Variants in FNDC10 observed in about 807,000 individuals in gnomAD.
FNDC10 encodes fibronectin type III domain-containing protein 10.
A neutral mutation model predicts 11.6 loss-of-function variants in FNDC10; 8 were observed. That is an observed-to-expected ratio of 0.69 (90% CI 0.41 to 1.25). The LOEUF (loss-of-function observed/expected upper bound fraction) is 1.25. FNDC10 is among the 50% of genes most tolerant of loss of function. FNDC10 has a pLI of 0.01. For missense variants in FNDC10, 308 were observed against 330.2 expected (o/e 0.93, Z 0.52); for synonymous variants, 187 against 162.9 (o/e 1.15, Z -1.12).
At position 1,600,024 on chromosome 1, in the gene FNDC10, G is replaced by A. The variant is rs1643095613; in HGVS notation, c.-9C>T. Reference sequence around the variant, plus strand: ...AGCGGCGGGGCGCGCATCCTGCGGCGGGGCCACGGGGCGCGGCGCTGGGTC... The same window carrying A: ...AGCGGCGGGGCGCGCATCCTGCGGCAGGGCCACGGGGCGCGGCGCTGGGTC... On this transcript the variant is annotated 5_prime_UTR_variant, in exon 1 of 1. Transcript: ENST00000422725. The A allele has an allele frequency of 3.1e-6, 3 of 978,970 alleles. No homozygotes were observed. Among genetic ancestry groups the A allele is most frequent in the African/African-American group, 1.8e-5 (1 of 56,568 alleles). 60.6% of individuals were successfully genotyped at this position (978,970 alleles called of 1,614,324 possible).
chr1:1,599,268 G>A lies in FNDC10; in HGVS notation c.*67C>T. 1 of 1,371,680 alleles carries A rather than the reference G, an allele frequency of 7.3e-7. No homozygotes were observed. The highest frequency in any genetic ancestry group is 9.6e-7 in the Non-Finnish European group (1 of 1,044,612). The allele number at this position is 1,371,680 out of a possible 1,614,324, so 85.0% of individuals were successfully genotyped here. On this transcript the variant is annotated 3_prime_UTR_variant, in exon 1 of 1. Transcript: ENST00000422725. This position sits in a 1 kb window ranked among gnomAD's most constrained non-coding sequence, Gnocchi z 6.7. ...AGCAGGAATGAGGAGAGGAGAGCGG[G>A]CGGAGGACCTGGGAGCTCAGGCGCC...
At position 1,600,055 on chromosome 1, in the gene FNDC10, G is replaced by T. The variant is rs1643096240; in HGVS notation, c.-40C>A. ...ACGGGGCGCGGCGCTGGGTCACGCGGGCCGCGCCGCCGCCGTCCCCGCTGC... is the reference window on the plus strand; with the variant it reads ...ACGGGGCGCGGCGCTGGGTCACGCGTGCCGCGCCGCCGCCGTCCCCGCTGC... On this transcript the variant is annotated 5_prime_UTR_variant, in exon 1 of 1. Transcript: ENST00000422725. The T allele has an allele frequency of 1.1e-5, 11 of 962,356 alleles. No individual in the cohort carries two copies. Among genetic ancestry groups the T allele is most frequent in the Non-Finnish European group, 1.2e-5 (10 of 812,624 alleles). The allele number at this position is 962,356 out of a possible 1,614,324, so 59.6% of individuals were successfully genotyped here.
At position 1,598,931 on chromosome 1, in the gene FNDC10, A is replaced by C. The variant is rs1021410698; in HGVS notation, c.*404T>G. The C allele has an allele frequency of 4.9e-6, 1 of 204,162 alleles. No individual in the cohort carries two copies. Among genetic ancestry groups the C allele is most frequent in the East Asian group, 1.2e-4 (1 of 8,286 alleles). The allele number at this position is 204,162 out of a possible 1,614,324, so 12.6% of individuals were successfully genotyped here. A position where few individuals can be genotyped will look rare whatever the true frequency, so the allele number is the denominator to read the frequency against. ...GGACAGGCTTGGAGAGCTGCGCCCCAGGCCTGCAAAGCACAGTGACCGAGC... is the reference window on the plus strand; with the variant it reads ...GGACAGGCTTGGAGAGCTGCGCCCCCGGCCTGCAAAGCACAGTGACCGAGC... On this transcript the variant is annotated 3_prime_UTR_variant, in exon 1 of 1. Coordinates refer to ENST00000422725, the MANE Select transcript of FNDC10 (RefSeq NM_001242659.2).
chr1:1,600,053 C>G lies in FNDC10; in HGVS notation c.-38G>C. ...CCACGGGGCGCGGCGCTGGGTCACGCGGGCCGCGCCGCCGCCGTCCCCGCT... is the reference window on the plus strand; with the variant it reads ...CCACGGGGCGCGGCGCTGGGTCACGGGGGCCGCGCCGCCGCCGTCCCCGCT... On this transcript the variant is annotated 5_prime_UTR_variant, in exon 1 of 1. Coordinates refer to ENST00000422725, the MANE Select transcript of FNDC10 (RefSeq NM_001242659.2). 2 of 961,918 alleles carry G rather than the reference C, an allele frequency of 2.1e-6. No homozygotes were observed. The highest frequency in any genetic ancestry group is 2.5e-6 in the Non-Finnish European group (2 of 812,350). 59.6% of individuals were successfully genotyped at this position (961,918 alleles called of 1,614,324 possible).
In FNDC10 at chr1:1,599,567, G is replaced by T. The variant is rs1404275428; in HGVS notation, c.449C>A (p.Pro150Gln). The change falls in exon 1 of 1, where the codon CCG (proline) becomes CAG (glutamine). Residue 150 changes from proline (P) to glutamine (Q), a missense_variant. Physicochemically the swap from Pro to Gln is moderately conservative, Grantham distance 76. Coordinates refer to ENST00000422725, the MANE Select transcript of FNDC10 (RefSeq NM_001242659.2). This position sits in a 1 kb window ranked among gnomAD's most constrained non-coding sequence, Gnocchi z 6.7. The part of the protein sequence containing the change: ...DSVLYRLCLQ[P>Q]LPLRAGPAAA... The stretch of plus-strand genomic sequence containing the variant: ...GGCGGGCCCAGCGCGCAGCGGCAGC[G>T]GCTGCAGGCACAGGCGGTAGAGGAC... 6.6e-7 allele frequency: 1 copy of T among 1,509,386 alleles called. No individual in the cohort carries two copies. Among genetic ancestry groups the T allele is most frequent in the Non-Finnish European group, 8.8e-7 (1 of 1,137,608 alleles). The allele number at this position is 1,509,386 out of a possible 1,614,324, so 93.5% of individuals were successfully genotyped here. A position where few individuals can be genotyped will look rare whatever the true frequency, so the allele number is the denominator to read the frequency against.
In FNDC10 at chr1:1,599,164, G is replaced by T. The variant is rs1643080846; in HGVS notation, c.*171C>A. The stretch of plus-strand genomic sequence containing the variant: ...CCAGAGTCTGGGAGTCTGACGCCCG[G>T]CTGGAAAGGGCGTGTGATGATGCCA... On this transcript the variant is annotated 3_prime_UTR_variant, in exon 1 of 1. Coordinates refer to ENST00000422725, the MANE Select transcript of FNDC10 (RefSeq NM_001242659.2). The surrounding 1 kb of genome is among the most constrained non-coding windows in gnomAD (Gnocchi z 6.7). 6.3e-6 allele frequency: 4 copies of T among 634,104 alleles called. No individual in the cohort carries two copies. Among genetic ancestry groups the T allele is most frequent in the African/African-American group, 1.9e-5 (1 of 51,506 alleles). 39.3% of individuals were successfully genotyped at this position (634,104 alleles called of 1,614,324 possible). A position where few individuals can be genotyped will look rare whatever the true frequency, so the allele number is the denominator to read the frequency against.
chr1:1,599,733 G>C lies in FNDC10; in HGVS notation c.283C>G (p.Leu95Val). ...RNRSVLLQWR[L>V]APAAARRVRA... The stretch of plus-strand genomic sequence containing the variant: ...ACGCGGCGCGCGGCGGCCGGGGCCA[G>C]GCGCCACTGCAGGAGGACGCTGCGG... The change falls in exon 1 of 1, where the codon CTG becomes GTG. Residue 95 changes from leucine (L) to valine (V), a missense_variant. By Grantham distance (32) the Leu-to-Val change is conservative (BLOSUM62 1). Transcript: ENST00000422725. This position sits in a 1 kb window ranked among gnomAD's most constrained non-coding sequence, Gnocchi z 6.7. 7.6e-7 allele frequency: 1 copy of C among 1,323,354 alleles called. No individual in the cohort carries two copies. The highest frequency in any genetic ancestry group is 9.6e-7 in the Non-Finnish European group (1 of 1,044,304). 82.0% of individuals were successfully genotyped at this position (1,323,354 alleles called of 1,614,324 possible).
At position 1,599,261 on chromosome 1, in the gene FNDC10, A is replaced by G; in HGVS notation, c.*74T>C. ...AGGAGGCAGCAGGAATGAGGAGAGG[A>G]GAGCGGGCGGAGGACCTGGGAGCTC... On this transcript the variant is annotated 3_prime_UTR_variant, in exon 1 of 1. Transcript: ENST00000422725. The surrounding 1 kb of genome is among the most constrained non-coding windows in gnomAD (Gnocchi z 6.7). 2 of 1,333,856 alleles carry G rather than the reference A, an allele frequency of 1.5e-6. No homozygotes were observed. The highest frequency in any genetic ancestry group is 3.0e-5 in the South Asian group (2 of 66,900). The allele number at this position is 1,333,856 out of a possible 1,614,324, so 82.6% of individuals were successfully genotyped here. A position where few individuals can be genotyped will look rare whatever the true frequency, so the allele number is the denominator to read the frequency against.
At position 1,599,095 on chromosome 1, in the gene FNDC10, G is replaced by T; in HGVS notation, c.*240C>A. ...CCTGCGGAGAGCGGGGAGAGCCCTG[G>T]ATGCGGCTGGCACAGCAGCGCAAGC... On this transcript the variant is annotated 3_prime_UTR_variant, in exon 1 of 1. Coordinates refer to ENST00000422725, the MANE Select transcript of FNDC10 (RefSeq NM_001242659.2). This position sits in a 1 kb window ranked among gnomAD's most constrained non-coding sequence, Gnocchi z 6.7. 1.8e-6 allele frequency: 1 copy of T among 540,806 alleles called. No individual in the cohort carries two copies. Among genetic ancestry groups the T allele is most frequent in the Non-Finnish European group, 3.2e-6 (1 of 309,490 alleles). The allele number at this position is 540,806 out of a possible 1,614,324, so 33.5% of individuals were successfully genotyped here. A position where few individuals can be genotyped will look rare whatever the true frequency, so the allele number is the denominator to read the frequency against.
Position 1,600,056 on chromosome 1 carries a change from G to T in FNDC10, c.-41C>A. ...CGGGGCGCGGCGCTGGGTCACGCGG[G>T]CCGCGCCGCCGCCGTCCCCGCTGCC... On this transcript the variant is annotated 5_prime_UTR_variant, in exon 1 of 1. Transcript: ENST00000422725. 1 of 955,774 alleles carries T rather than the reference G, an allele frequency of 1.0e-6. No individual in the cohort carries two copies. Among genetic ancestry groups the T allele is most frequent in the Non-Finnish European group, 1.2e-6 (1 of 806,650 alleles). The allele number at this position is 955,774 out of a possible 1,614,324, so 59.2% of individuals were successfully genotyped here.
At position 1,599,662 on chromosome 1, in the gene FNDC10, G is replaced by A. The variant is rs1424960143; in HGVS notation, c.354C>T (p.Arg118=). The A allele has an allele frequency of 4.1e-6, 6 of 1,450,436 alleles. No individual in the cohort carries two copies. Among genetic ancestry groups the A allele is most frequent in the African/African-American group, 3.0e-5 (2 of 66,906 alleles). The allele number at this position is 1,450,436 out of a possible 1,614,324, so 89.8% of individuals were successfully genotyped here. A position where few individuals can be genotyped will look rare whatever the true frequency, so the allele number is the denominator to read the frequency against. ...LNCSWRGAYT[R]FPCERVLLGA... ...CGAGGAGCACGCGCTCGCACGGGAA[G>A]CGCGTGTAGGCGCCGCGCCACGAGC... Residue 118 remains arginine (R), a synonymous_variant, in exon 1 of 1, where the codon CGC becomes CGT. Transcript: ENST00000422725. This position sits in a 1 kb window ranked among gnomAD's most constrained non-coding sequence, Gnocchi z 6.7.
rs1315199200 is a variant in FNDC10, at chr1:1,599,251, T to TGAGGA, written c.*79_*83dup. 8.6e-6 allele frequency: 11 copies of TGAGGA among 1,271,896 alleles called. No individual in the cohort carries two copies. The highest frequency in any genetic ancestry group is 2.9e-5 in the East Asian group (1 of 34,982). The allele number at this position is 1,271,896 out of a possible 1,614,324, so 78.8% of individuals were successfully genotyped here. Reference sequence around the variant, plus strand: ...GGGGATCTTAAGGAGGCAGCAGGAATGAGGAGAGGAGAGCGGGCGGAGGAC... The same window carrying TGAGGA: ...GGGGATCTTAAGGAGGCAGCAGGAATGAGGAGAGGAGAGGAGAGCGGGCGGAGGAC... On this transcript the variant is annotated 3_prime_UTR_variant, in exon 1 of 1. Transcript: ENST00000422725. This position sits in a 1 kb window ranked among gnomAD's most constrained non-coding sequence, Gnocchi z 6.7.
In FNDC10 at chr1:1,599,065, A is replaced by G. The variant is rs1643079517; in HGVS notation, c.*270T>C. 4.1e-6 allele frequency: 2 copies of G among 492,460 alleles called. No individual in the cohort carries two copies. Among genetic ancestry groups the G allele is most frequent in the Non-Finnish European group, 7.1e-6 (2 of 281,352 alleles). The allele number at this position is 492,460 out of a possible 1,614,324, so 30.5% of individuals were successfully genotyped here. A position where few individuals can be genotyped will look rare whatever the true frequency, so the allele number is the denominator to read the frequency against. ...GGCTCCATGCCCTGGCCGCCTCTAT[A>G]AAGGCCTGCGGAGAGCGGGGAGAGC... is the stretch of plus-strand genomic sequence containing the variant. On this transcript the variant is annotated 3_prime_UTR_variant, in exon 1 of 1. Coordinates refer to ENST00000422725, the MANE Select transcript of FNDC10 (RefSeq NM_001242659.2). The surrounding 1 kb of genome is among the most constrained non-coding windows in gnomAD (Gnocchi z 6.7).
chr1:1,599,393 A>T lies in FNDC10; in HGVS notation c.623T>A (p.Ile208Asn). ...LVVICLLVAY[I>N]TENLMRPALA... ...GGCCGGGCGCATGAGGTTCTCGGTG[A>T]TGTAGGCCACCAGCAGGCAGATGAC... The change falls in exon 1 of 1, where the codon ATC becomes AAC. Residue 208 changes from isoleucine to asparagine, a missense_variant. By Grantham distance (149) the Ile-to-Asn change is moderately radical. Transcript: ENST00000422725. This position sits in a 1 kb window ranked among gnomAD's most constrained non-coding sequence, Gnocchi z 6.7. 1 of 1,533,298 alleles carries T rather than the reference A, an allele frequency of 6.5e-7. No individual in the cohort carries two copies. The highest frequency in any genetic ancestry group is 8.7e-7 in the Non-Finnish European group (1 of 1,145,996). 95.0% of individuals were successfully genotyped at this position (1,533,298 alleles called of 1,614,324 possible). A position where few individuals can be genotyped will look rare whatever the true frequency, so the allele number is the denominator to read the frequency against.
chr1:1,599,234 T>C lies in FNDC10; in HGVS notation c.*101A>G, dbSNP rs11552172. The C allele has an allele frequency of 0.23, 265,758 of 1,173,408 alleles. 31,365 individuals carry two copies. The highest frequency in any genetic ancestry group is 0.34 in the Admixed American group (10,881 of 31,672). 72.7% of individuals were successfully genotyped at this position (1,173,408 alleles called of 1,614,324 possible). A position where few individuals can be genotyped will look rare whatever the true frequency, so the allele number is the denominator to read the frequency against. On this transcript the variant is annotated 3_prime_UTR_variant, in exon 1 of 1. Coordinates refer to ENST00000422725, the MANE Select transcript of FNDC10 (RefSeq NM_001242659.2). This position sits in a 1 kb window ranked among gnomAD's most constrained non-coding sequence, Gnocchi z 6.7. Reference sequence around the variant, plus strand: ...GGCAGGTCCTCCTCCGCGGGGATCTTAAGGAGGCAGCAGGAATGAGGAGAG... The same window carrying C: ...GGCAGGTCCTCCTCCGCGGGGATCTCAAGGAGGCAGCAGGAATGAGGAGAG...
At position 1,599,314 on chromosome 1, in the gene FNDC10, A is replaced by C; in HGVS notation, c.*21T>G. ...GCGCCCTCAGGCAGGTGGCGCAAAG[A>C]TGGGCGGGCGGCCTCGCGCTTCAGG... is the stretch of plus-strand genomic sequence containing the variant. On this transcript the variant is annotated 3_prime_UTR_variant, in exon 1 of 1. Transcript: ENST00000422725. This position sits in a 1 kb window ranked among gnomAD's most constrained non-coding sequence, Gnocchi z 6.7. 6.8e-7 allele frequency: 1 copy of C among 1,464,846 alleles called. No homozygotes were observed. Among genetic ancestry groups the C allele is most frequent in the Non-Finnish European group, 9.0e-7 (1 of 1,114,900 alleles). 90.7% of individuals were successfully genotyped at this position (1,464,846 alleles called of 1,614,324 possible).
In FNDC10 at chr1:1,599,861, C is replaced by A. The variant is rs1267479453; in HGVS notation, c.155G>T (p.Arg52Leu). Residue 52 changes from arginine to leucine, a missense_variant, in exon 1 of 1, where the codon CGC (arginine) becomes CTC (leucine). Coordinates refer to ENST00000422725, the MANE Select transcript of FNDC10 (RefSeq NM_001242659.2). This position sits in a 1 kb window ranked among gnomAD's most constrained non-coding sequence, Gnocchi z 6.7. ...GCGCGCGGGGCTGCGGAAGCACAGGCGCCCGCCGCCCGCCTCGGGGCCCTC... is the reference window on the plus strand; with the variant it reads ...GCGCGCGGGGCTGCGGAAGCACAGGAGCCCGCCGCCCGCCTCGGGGCCCTC... ...LPEGPEAGGG[R>L]LCFRSPARGF... 6 of 1,039,330 alleles carry A rather than the reference C, an allele frequency of 5.8e-6. No homozygotes were observed. In the East Asian group the frequency reaches 3.4e-4, roughly 59 times the overall value. 64.4% of individuals were successfully genotyped at this position (1,039,330 alleles called of 1,614,324 possible).
chr1:1,599,828 C>T lies in FNDC10; in HGVS notation c.188G>A (p.Arg63His). The T allele has an allele frequency of 9.0e-7, 1 of 1,114,844 alleles. No homozygotes were observed. The highest frequency in any genetic ancestry group is 1.1e-6 in the Non-Finnish European group (1 of 916,044). The allele number at this position is 1,114,844 out of a possible 1,614,324, so 69.1% of individuals were successfully genotyped here. ...LCFRSPARGF[R>H]CQAPGCVLHA... ...CAGCACGCAGCCCGGAGCCTGGCAG[C>T]GGAAGCCGCGCGCGGGGCTGCGGAA... is the stretch of plus-strand genomic sequence containing the variant. Residue 63 changes from arginine to histidine, a missense_variant, in exon 1 of 1, where the codon CGC becomes CAC. Physicochemically the swap from Arg to His is conservative, Grantham distance 29 (BLOSUM62 0). Transcript: ENST00000422725. This position sits in a 1 kb window ranked among gnomAD's most constrained non-coding sequence, Gnocchi z 6.7.
In FNDC10 at chr1:1,599,672, G is replaced by A; in HGVS notation, c.344C>T (p.Ala115Val). 2.1e-6 allele frequency: 3 copies of A among 1,445,222 alleles called. No homozygotes were observed. Among genetic ancestry groups the A allele is most frequent in the Non-Finnish European group, 2.7e-6 (3 of 1,105,494 alleles). The allele number at this position is 1,445,222 out of a possible 1,614,324, so 89.5% of individuals were successfully genotyped here. A position where few individuals can be genotyped will look rare whatever the true frequency, so the allele number is the denominator to read the frequency against. ...GCGCTCGCACGGGAAGCGCGTGTAGGCGCCGCGCCACGAGCAGTTGAGCGC... is the reference window on the plus strand; with the variant it reads ...GCGCTCGCACGGGAAGCGCGTGTAGACGCCGCGCCACGAGCAGTTGAGCGC... ...AFALNCSWRG[A>V]YTRFPCERVL... Residue 115 changes from alanine (A) to valine (V), a missense_variant, in exon 1 of 1, where the codon GCC (alanine) becomes GTC (valine). Transcript: ENST00000422725. This position sits in a 1 kb window ranked among gnomAD's most constrained non-coding sequence, Gnocchi z 6.7.
Sources: allele counts gnomAD v4.1 joint callset, GRCh38; gene constraint gnomAD v4.1.1; non-coding constraint Gnocchi (gnomAD v3.1); transcripts MANE v1.5; gene names NCBI Gene and HGNC (gene_info 2026-07-23, HGNC 2026-07-21).